The following CNTNAP2 variants were observed in gnomAD, a reference collection of about 807,000 sequenced individuals.
The protein encoded by CNTNAP2 is contactin-associated protein-like 2.
CNTNAP2 carries 98 observed loss-of-function variants against 155.2 expected under a neutral mutation model. The observed-to-expected ratio is 0.63, with a 90% CI of 0.54 to 0.75. The LOEUF (loss-of-function observed/expected upper bound fraction) is 0.75, where lower values mean the gene tolerates loss of function less well. Among genes scored for constraint, CNTNAP2 ranks in the 30% least tolerant of loss-of-function variants. The pLI is 0.00. For synonymous variants in CNTNAP2, 651 were observed against 631.2 expected (o/e 1.03, Z -0.47); for missense variants, 1,727 against 1,688.1 (o/e 1.02, Z -0.40).
chr7:146,858,256 C>T (rs1562975891), intron 3 of CNTNAP2, among the ~76,000 whole-genome samples: 1 of 152,130 alleles, frequency 6.6e-6, no homozygotes, highest in Non-Finnish European at 1.5e-5. Context: ...AGATTCTCTG[C>T]ACTCATTTGT....
At chr7:146,350,131 C>T (rs902681583) in intron 1 of CNTNAP2, among the ~76,000 whole-genome samples, 8 of 152,180 alleles carry the variant, frequency 5.3e-5, no homozygotes, top group Non-Finnish European at 8.8e-5. Flanking sequence ...TTGGTCTTTT[C>T]ACATAGTCCC....
At chr7:148,324,721 C>T (rs572404522) in intron 21 of CNTNAP2, among the ~76,000 whole-genome samples, 1 of 143,668 alleles carries the variant, frequency 7.0e-6, no homozygotes, top group South Asian at 2.2e-4. Context: ...TCACTTGAAC[C>T]TGGGATGTGG....
chr7:148,409,479 A>C lies in CNTNAP2; in HGVS notation c.3796+8A>C. 1 of 1,612,582 alleles carries C rather than the reference A, an allele frequency of 6.2e-7. No homozygotes were observed. The highest frequency in any genetic ancestry group is 8.5e-7 in the Non-Finnish European group (1 of 1,178,606). On this transcript the variant is annotated splice_region_variant and intron_variant, in intron 23 of 23. Coordinates refer to ENST00000361727, the MANE Select transcript of CNTNAP2 (RefSeq NM_014141.6). ...ACTCGGCTATCATTGGAGGTAGGTG[A>C]TGTCTAGAGGAGGCTTATATGGGGC...
At chr7:147,392,608 T>G (rs561372568) in intron 9 of CNTNAP2, among the ~76,000 whole-genome samples, 1 of 152,224 alleles carries the variant, frequency 6.6e-6, no homozygotes, top group African/African-American at 2.4e-5. Flanking sequence ...ACATACGATG[T>G]TTGGTTTTCT....
chr7:148,124,096 G>C (rs1804662369), intron 16 of CNTNAP2, among the ~76,000 whole-genome samples: 1 of 152,146 alleles, frequency 6.6e-6, no homozygotes, highest in Non-Finnish European at 1.5e-5. Context: ...GGTAATACAG[G>C]AGATAAAGGG....
At chr7:147,935,417 G>T (rs918061700) in intron 14 of CNTNAP2, among the ~76,000 whole-genome samples, 1 of 152,160 alleles carries the variant, frequency 6.6e-6, no homozygotes, top group South Asian at 2.1e-4. Context: ...GAGCCACTGC[G>T]CCCAGCCGAG....
At chr7:147,794,386 C>A (rs922979625) in intron 13 of CNTNAP2, among the ~76,000 whole-genome samples, 3 of 151,794 alleles carry the variant, frequency 2.0e-5, no homozygotes, top group Non-Finnish European at 2.9e-5. Context: ...TAGTCAAATG[C>A]TTTTTCTGTA....
chr7:148,071,513 T>C (rs1266990818), intron 15 of CNTNAP2, among the ~76,000 whole-genome samples: 3 of 151,906 alleles, frequency 2.0e-5, no homozygotes, highest in Non-Finnish European at 4.4e-5. Flanking sequence ...AAAATATGGA[T>C]AAAATATCTA....
chr7:146,363,435 T>C (rs561451344), intron 1 of CNTNAP2, among the ~76,000 whole-genome samples: 1 of 152,346 alleles, frequency 6.6e-6, no homozygotes, highest in Non-Finnish European at 1.5e-5. Flanking sequence ...GATTATATTT[T>C]TCAGAGAAAT....
chr7:147,217,106 T>A (rs1803284638), intron 8 of CNTNAP2, among the ~76,000 whole-genome samples: 1 of 152,044 alleles, frequency 6.6e-6, no homozygotes, highest in Non-Finnish European at 1.5e-5. Flanking sequence ...CTACATAGAC[T>A]ATCATGTCAT....
intron 1 of CNTNAP2, among the ~76,000 whole-genome samples, chr7:146,415,284 T>C (rs1398439494): frequency 6.6e-6 from 1 of 151,862 alleles, no homozygotes; most frequent in African/African-American, 2.4e-5. Context: ...GGAAGAAGAG[T>C]AGTGAATTTT....
chr7:148,136,691 C>T (rs1394156357), intron 16 of CNTNAP2, among the ~76,000 whole-genome samples: 2 of 152,086 alleles, frequency 1.3e-5, no homozygotes, highest in Admixed American at 1.3e-4. Flanking sequence ...TATGTCAAAC[C>T]ATCCCAGGAT....
At chr7:147,445,986 TAGG>T (rs1797730566) in intron 10 of CNTNAP2, among the ~76,000 whole-genome samples, 1 of 151,928 alleles carries the variant, frequency 6.6e-6, no homozygotes, top group South Asian at 2.1e-4. Flanking sequence ...TGAGTGGTTG[TAGG>T]AGATGTTTTA....
intron 3 of CNTNAP2, among the ~76,000 whole-genome samples, chr7:146,878,666 T>C (rs1795479051): frequency 6.6e-6 from 1 of 152,142 alleles, no homozygotes; most frequent in Admixed American, 6.6e-5. Flanking sequence ...CCTGTTTCTC[T>C]GACCCCATTT....
chr7:147,153,326 TA>T (rs1801862314), intron 8 of CNTNAP2, among the ~76,000 whole-genome samples: 1 of 152,014 alleles, frequency 6.6e-6, no homozygotes, highest in Admixed American at 6.6e-5. Context: ...TATATATAAA[TA>T]AAGTATATAG....
intron 21 of CNTNAP2, among the ~76,000 whole-genome samples, chr7:148,274,684 A>C (rs948110873): frequency 3.3e-5 from 5 of 152,186 alleles, no homozygotes; most frequent in African/African-American, 1.2e-4. Flanking sequence ...GCCTCCCCAG[A>C]AGCAGATGCC....
At chr7:147,182,153 A>G (rs997415677) in intron 8 of CNTNAP2, among the ~76,000 whole-genome samples, 18 of 150,392 alleles carry the variant, frequency 1.2e-4, no homozygotes, top group Non-Finnish European at 2.5e-4. Flanking sequence ...AAAAGAAAGT[A>G]ACTTCCACAT....
chr7:146,822,739 ATATT>A (rs1003268730), intron 2 of CNTNAP2, among the ~76,000 whole-genome samples: 7 of 146,682 alleles, frequency 4.8e-5, no homozygotes, highest in Non-Finnish European at 9.0e-5. Flanking sequence ...TTAAGTATAT[ATATT>A]TAAGTGTATA....
intron 1 of CNTNAP2, among the ~76,000 whole-genome samples, chr7:146,273,001 C>T (rs1255259898): frequency 2.0e-5 from 3 of 151,128 alleles, no homozygotes; most frequent in African/African-American, 7.3e-5. Flanking sequence ...GTGGAGGAAG[C>T]ACCTATTACA....
Sources: gnomAD v4.1 joint callset for allele counts (sites outside exome capture counted in the v4.1 genomes callset) on GRCh38, gnomAD v4.1.1 for gene constraint, MANE v1.5 for transcripts, NCBI Gene and HGNC (gene_info 2026-07-23, HGNC 2026-07-21) for gene names.